The following SLC1A2 variants were observed in gnomAD, a reference collection of about 807,000 sequenced individuals.
SLC1A2 encodes excitatory amino acid transporter 2.
SLC1A2 carries 15 observed loss-of-function variants against 48.8 expected under a neutral mutation model. That is an observed-to-expected ratio of 0.31 (90% CI 0.21 to 0.47). The LOEUF is 0.47. Ranked by LOEUF, SLC1A2 falls within the 20% of genes least tolerant of loss-of-function variation. SLC1A2 has a pLI of 0.99. For missense variants in SLC1A2, 502 were observed against 730.5 expected (o/e 0.69, Z 3.61); for synonymous variants, 279 against 272.6 (o/e 1.02, Z -0.23).
At chr11:35,379,351 G>C (rs1486425265) in intron 1 of SLC1A2, among the ~76,000 whole-genome samples, 1 of 152,238 alleles carries the variant, frequency 6.6e-6, no homozygotes, top group African/African-American at 2.4e-5. Flanking sequence ...AGACTGCCCT[G>C]ATTCACAAAA....
At chr11:35,294,635 A>G (rs1475798245) in intron 6 of SLC1A2, among the ~76,000 whole-genome samples, 1 of 152,198 alleles carries the variant, frequency 6.6e-6, no homozygotes, top group African/African-American at 2.4e-5. Context: ...TACAAATATA[A>G]GCTGTTTGGG....
chr11:35,285,982 T>C (rs1041723092), intron 8 of SLC1A2: 1 of 152,310 alleles, frequency 6.6e-6, no homozygotes, highest in Admixed American at 6.5e-5. Flanking sequence ...AAAGCTTTAT[T>C]TCATGCTGTA....
At position 35,360,549 on chromosome 11, in the gene SLC1A2, G is replaced by A. The variant is rs116794472; in HGVS notation, c.18-43033C>T. On this transcript the variant is annotated intron_variant, in intron 1 of 10. Coordinates refer to ENST00000278379, the MANE Select transcript of SLC1A2 (RefSeq NM_004171.4). ...TGACATTTAACCCTGACCCAGTAAA[G>A]TCATTAGTCTTTAACTTCTAAATCC... 8.0e-3 allele frequency among the ~76,000 whole-genome samples: 1,214 copies of A among 152,246 alleles called. 13 individuals are homozygous for A. The highest frequency in any genetic ancestry group is 0.027 in the African/African-American group (1,122 of 41,538).
chr11:35,336,448 G>A (rs559242255), intron 1 of SLC1A2, among the ~76,000 whole-genome samples: 1 of 152,090 alleles, frequency 6.6e-6, no homozygotes, highest in Non-Finnish European at 1.5e-5. Flanking sequence ...CACCCAATGG[G>A]CTTTGATATT....
At chr11:35,287,868 A>G (rs1850877407) in intron 7 of SLC1A2, among the ~76,000 whole-genome samples, 1 of 152,226 alleles carries the variant, frequency 6.6e-6, no homozygotes, top group Non-Finnish European at 1.5e-5. Flanking sequence ...GCAATGCAGA[A>G]CACTCAAACT....
chr11:35,336,596 T>C (rs1008667473), intron 1 of SLC1A2, among the ~76,000 whole-genome samples: 2 of 152,186 alleles, frequency 1.3e-5, no homozygotes, highest in Non-Finnish European at 2.9e-5. Context: ...GTGCTATTAT[T>C]ATCCTCATTT....
chr11:35,294,031 T>C (rs890704692), intron 6 of SLC1A2, among the ~76,000 whole-genome samples: 1 of 152,170 alleles, frequency 6.6e-6, no homozygotes, highest in African/African-American at 2.4e-5. Flanking sequence ...CGCATCTCTG[T>C]CAGTACCATT....
At chr11:35,277,339 A>G (rs1338306999) in intron 9 of SLC1A2, among the ~76,000 whole-genome samples, 3 of 152,212 alleles carry the variant, frequency 2.0e-5, no homozygotes, top group Non-Finnish European at 2.9e-5. Flanking sequence ...ACCTGGCCAT[A>G]CAAGCTCTGC....
chr11:35,264,153 T>C (rs1214855130), intron 10 of SLC1A2: 1 of 152,208 alleles, frequency 6.6e-6, no homozygotes, highest in African/African-American at 2.4e-5. Context: ...CCTCCCTAAT[T>C]TGTTTCAGAG....
At chr11:35,265,469 A>T in intron 10 of SLC1A2, 58 bp downstream of exon 10, 3 of 864,984 alleles carry the variant, frequency 3.5e-6, no homozygotes, top group Non-Finnish European at 5.6e-6. Context: ...TTTTTTTTAA[A>T]GAAATCAAGC....
chr11:35,379,906 C>A (rs1854367565), intron 1 of SLC1A2, among the ~76,000 whole-genome samples: 1 of 152,212 alleles, frequency 6.6e-6, no homozygotes, highest in South Asian at 2.1e-4. Context: ...ATTTTAAATT[C>A]TCCTTTCCAT....
At chr11:35,284,226 C>G (rs942625263) in intron 8 of SLC1A2, among the ~76,000 whole-genome samples, 3 of 151,764 alleles carry the variant, frequency 2.0e-5, no homozygotes, top group Non-Finnish European at 4.4e-5. Flanking sequence ...CTGCCTGTTA[C>G]AAACAGCATG....
intron 1 of SLC1A2, among the ~76,000 whole-genome samples, chr11:35,408,727 A>G (rs1272620203): frequency 6.6e-6 from 1 of 152,258 alleles, no homozygotes; most frequent in African/African-American, 2.4e-5. Flanking sequence ...TGTTAAAAAT[A>G]ATTTATCTGA....
At chr11:35,336,794 C>T (rs898866621) in intron 1 of SLC1A2, among the ~76,000 whole-genome samples, 10 of 152,092 alleles carry the variant, frequency 6.6e-5, no homozygotes, top group South Asian at 2.1e-4. Flanking sequence ...CACTCACAGC[C>T]GGGGTCAGCA....
rs1327975820 is a variant in SLC1A2 at position 35,265,699 on chromosome 11, T to C, written c.1481A>G (p.Tyr494Cys). The change falls in exon 10 of 11, where the codon TAT (tyrosine) becomes TGT (cysteine). Residue 494 changes from tyrosine to cysteine, a missense_variant. Tyr to Cys is a radical substitution (Grantham distance 194, BLOSUM62 -2). Around this residue, in one of 4 missense-constraint regions of SLC1A2, gnomAD observed 102 missense variants for 107.2 expected, o/e 0.95. Transcript: ENST00000278379. Reference protein sequence around the residue: ...VGDSFGAGIVYHLSKSELDTI... With the variant: ...VGDSFGAGIVCHLSKSELDTI... ...ATCCAGCTCAGACTTGGAGAGGTGA[T>C]AGACTATCCCAGCCCCAAAAGAGTC... is the stretch of plus-strand genomic sequence containing the variant. 1.2e-6 allele frequency: 2 copies of C among 1,614,124 alleles called. No individual in the cohort carries two copies. The highest frequency in any genetic ancestry group is 1.7e-5 in the Admixed American group (1 of 60,026).
chr11:35,343,872 C>T (rs779285098), intron 1 of SLC1A2, among the ~76,000 whole-genome samples: 6 of 151,850 alleles, frequency 4.0e-5, no homozygotes, highest in Non-Finnish European at 7.4e-5. Flanking sequence ...CTGGTGTATT[C>T]GAAAAACAGA....
intron 6 of SLC1A2, chr11:35,298,860 A>G (rs1429701778): frequency 1.3e-5 from 2 of 152,232 alleles, no homozygotes; most frequent in African/African-American, 4.8e-5. Context: ...CATAGGAAGG[A>G]CACATACATT....
chr11:35,275,122 T>A (rs1245946428), intron 9 of SLC1A2, among the ~76,000 whole-genome samples: 1 of 152,238 alleles, frequency 6.6e-6, no homozygotes, highest in Non-Finnish European at 1.5e-5. Context: ...TGCTCGAGTT[T>A]GAGAATGAAT....
At chr11:35,326,139 G>A (rs1340718913) in intron 1 of SLC1A2, among the ~76,000 whole-genome samples, 1 of 152,104 alleles carries the variant, frequency 6.6e-6, no homozygotes, top group African/African-American at 2.4e-5. Context: ...AAGATGGAAC[G>A]AGGAACCACT....
Sources: gnomAD v4.1 joint callset for allele counts (sites outside exome capture counted in the v4.1 genomes callset) on GRCh38, gnomAD v4.1.1 for gene constraint, gnomAD v4.1.1 regional missense constraint, MANE v1.5 for transcripts, NCBI Gene and HGNC (gene_info 2026-07-23, HGNC 2026-07-21) for gene names.